Variants in GALNT17 observed in about 807,000 individuals in gnomAD.
GALNT17 encodes UDP-GalNAc:polypeptide N-acetylgalactosaminyltransferase-like 3.
Under a neutral mutation model 63.7 loss-of-function variants are expected in GALNT17, and 29 were observed. The observed-to-expected ratio is 0.46, with a 90% CI of 0.34 to 0.62. The LOEUF (loss-of-function observed/expected upper bound fraction) is 0.62, where lower values mean the gene tolerates loss of function less well. Among genes scored for constraint, GALNT17 ranks in the 20% least tolerant of loss-of-function variants. The pLI is 0.01. For missense variants in GALNT17, 603 were observed against 799.6 expected, an observed-to-expected ratio of 0.75 and a Z score of 2.97; for synonymous variants, 305 against 318.3, an observed-to-expected ratio of 0.96 and a Z score of 0.45.
intron 2 of GALNT17, among the ~76,000 whole-genome samples, chr7:71,347,615 C>T (rs931845380): frequency 5.8e-5 from 8 of 138,452 alleles, no homozygotes; most frequent in Admixed American, 1.5e-4. Flanking sequence ...GGACAATGGG[C>T]ATTTCCTTGT....
At chr7:71,368,698 C>G (rs1792559816) in intron 2 of GALNT17, among the ~76,000 whole-genome samples, 2 of 152,048 alleles carry the variant, frequency 1.3e-5, no homozygotes, top group South Asian at 4.2e-4. Flanking sequence ...TTTCTGTATC[C>G]TCAACACTTT....
intron 9 of GALNT17, among the ~76,000 whole-genome samples, chr7:71,694,575 T>C (rs1412765547): frequency 6.6e-6 from 1 of 152,168 alleles, no homozygotes; most frequent in East Asian, 1.9e-4. Flanking sequence ...TTCGTATTTT[T>C]AGTAGAGACG....
intron 5 of GALNT17, among the ~76,000 whole-genome samples, chr7:71,447,824 A>G (rs988401610): frequency 6.6e-6 from 1 of 152,102 alleles, no homozygotes; most frequent in Non-Finnish European, 1.5e-5. Flanking sequence ...CACTTGTCTG[A>G]ATTCCCTCTC....
intron 5 of GALNT17, among the ~76,000 whole-genome samples, chr7:71,568,180 A>G (rs1789381277): frequency 6.6e-6 from 1 of 152,178 alleles, no homozygotes; most frequent in Non-Finnish European, 1.5e-5. Context: ...AGCCTTTTCT[A>G]AAGCGTGCAG....
At chr7:71,194,097 G>A (rs1789002354) in intron 1 of GALNT17, among the ~76,000 whole-genome samples, 1 of 152,080 alleles carries the variant, frequency 6.6e-6, no homozygotes, top group Non-Finnish European at 1.5e-5. Flanking sequence ...CCAGGCTGGA[G>A]TGCAATGATG....
intron 1 of GALNT17, among the ~76,000 whole-genome samples, chr7:71,217,268 C>T (rs1392801790): frequency 6.6e-6 from 1 of 150,722 alleles, no homozygotes; most frequent in Non-Finnish European, 1.5e-5. Context: ...AGCCATTGTG[C>T]CCGGTGCTTT....
At chr7:71,401,713 A>G (rs987095935) in intron 3 of GALNT17, among the ~76,000 whole-genome samples, 1 of 152,126 alleles carries the variant, frequency 6.6e-6, no homozygotes, top group South Asian at 2.1e-4. Context: ...CGCGCTCCTT[A>G]TGAGAATCTA....
intron 1 of GALNT17, among the ~76,000 whole-genome samples, chr7:71,241,482 A>G (rs1435921685): frequency 6.6e-6 from 1 of 152,222 alleles, no homozygotes; most frequent in Non-Finnish European, 1.5e-5. Flanking sequence ...GATATAAACC[A>G]AAGAACAGGG....
chr7:71,227,162 A>G (rs950810386), intron 1 of GALNT17, among the ~76,000 whole-genome samples: 1 of 132,842 alleles, frequency 7.5e-6, no homozygotes, highest in Admixed American at 8.4e-5. Flanking sequence ...AGATAGGGAG[A>G]CACCGTCTCT....
intron 5 of GALNT17, among the ~76,000 whole-genome samples, chr7:71,464,639 C>T (rs1156633656): frequency 6.6e-6 from 1 of 152,092 alleles, no homozygotes; most frequent in African/African-American, 2.4e-5. Flanking sequence ...CTTTGACAAA[C>T]AGAAAGGGCA....
At chr7:71,502,453 T>C (rs1284741121) in intron 5 of GALNT17, among the ~76,000 whole-genome samples, 1 of 152,224 alleles carries the variant, frequency 6.6e-6, no homozygotes, top group Admixed American at 6.5e-5. Flanking sequence ...AGATATGTCC[T>C]TCTTCACATG....
At chr7:71,699,204 G>T (rs1330986258) in intron 9 of GALNT17, among the ~76,000 whole-genome samples, 1 of 145,092 alleles carries the variant, frequency 6.9e-6, no homozygotes, top group African/African-American at 2.6e-5. Flanking sequence ...AAATGACCAG[G>T]TGCAGTGGCT....
intron 6 of GALNT17, among the ~76,000 whole-genome samples, chr7:71,662,024 C>T (rs1790914488): frequency 6.6e-6 from 1 of 152,152 alleles, no homozygotes; most frequent in African/African-American, 2.4e-5. Context: ...ACAGCTACAT[C>T]CACTTGAACC....
intron 3 of GALNT17, among the ~76,000 whole-genome samples, chr7:71,411,324 TGGC>T (rs1220576907): frequency 6.6e-6 from 1 of 152,034 alleles, no homozygotes; most frequent in Non-Finnish European, 1.5e-5. Context: ...TCACACCATG[TGGC>T]TAGGCTGGTC....
At chr7:71,632,619 C>T (rs1298758347) in intron 6 of GALNT17, among the ~76,000 whole-genome samples, 3 of 152,046 alleles carry the variant, frequency 2.0e-5, no homozygotes, top group Non-Finnish European at 4.4e-5. Context: ...TCTGGGACCA[C>T]GCTAGACATG....
At chr7:71,630,980 C>T (rs1790445873) in intron 6 of GALNT17, among the ~76,000 whole-genome samples, 1 of 152,208 alleles carries the variant, frequency 6.6e-6, no homozygotes, top group Non-Finnish European at 1.5e-5. Flanking sequence ...TGAGCACTTA[C>T]TGGGTACCAG....
chr7:71,135,052 A>C (rs1426602389), intron 1 of GALNT17, among the ~76,000 whole-genome samples: 1 of 151,790 alleles, frequency 6.6e-6, no homozygotes, highest in East Asian at 1.9e-4. Context: ...GGGTCTTGCT[A>C]GGTTGTCCAG....
chr7:71,337,409 C>A (rs541725145), intron 2 of GALNT17, among the ~76,000 whole-genome samples: 1 of 152,204 alleles, frequency 6.6e-6, no homozygotes, highest in East Asian at 1.9e-4. Context: ...TTTGGAGATT[C>A]TTGATACGTA....
rs950432769 is a variant in GALNT17, at chr7:71,161,953, CT to C, written c.238+28917del. 2.6e-5 allele frequency among the ~76,000 whole-genome samples: 4 copies of C among 151,222 alleles called. No individual in the cohort carries two copies. In the East Asian group the frequency reaches 7.8e-4, roughly 29 times the overall value. ...TTCCCTTCTCTTCCCCTCCCCTCCC[CT>C]TTTCTTTTTCTGTCTTCCCTTCTGC... On this transcript the variant is annotated intron_variant, in intron 1 of 10. Transcript: ENST00000333538.
Sources: gnomAD v4.1 joint callset for allele counts (sites outside exome capture counted in the v4.1 genomes callset) on GRCh38, gnomAD v4.1.1 for gene constraint, MANE v1.5 for transcripts, NCBI Gene and HGNC (gene_info 2026-07-23, HGNC 2026-07-21) for gene names.